PINX1: variants seen among roughly 807,000 people sequenced by gnomAD.
PINX1 encodes PIN2 (TERF1) interacting telomerase inhibitor 1, also known as PIN2/TERF1-interacting telomerase inhibitor 1.
Under a neutral mutation model 25.4 loss-of-function variants are expected in PINX1, and 34 were observed. The ratio of observed to expected loss-of-function variants is 1.34; its 90% CI spans 1.02 to 1.78. The LOEUF (loss-of-function observed/expected upper bound fraction) is 1.78, where lower values mean the gene tolerates loss of function less well. PINX1 is among the 40% of genes most tolerant of loss of function. The probability of loss-of-function intolerance (pLI) is 0.00; values close to 1 mark genes in which losing one functional copy is unlikely to be tolerated. For synonymous variants in PINX1, 197 were observed against 147.7 expected, an observed-to-expected ratio of 1.33 and a Z score of -2.42; for missense variants, 592 against 404.9, an observed-to-expected ratio of 1.46 and a Z score of -3.97.
At chr8:10,765,994 C>A in intron 6 of PINX1, 78 bp from the exon 7 acceptor site, 11 of 1,413,072 alleles carry the variant, frequency 7.8e-6, no homozygotes, top group Non-Finnish European at 1.1e-5. Context: ...GCACCCACAC[C>A]CGGCGCTCAC....
At chr8:10,799,896 C>G (rs7826458) in intron 6 of PINX1, among the ~76,000 whole-genome samples, 35,977 of 152,132 alleles carry the variant, frequency 0.24, 4,388 homozygotes, top group East Asian at 0.33. Flanking sequence ...TTCTCAACCA[C>G]GGTCTGAGTT....
chr8:10,785,083 T>C (rs905135734), intron 6 of PINX1, among the ~76,000 whole-genome samples: 6 of 152,198 alleles, frequency 3.9e-5, no homozygotes, highest in Admixed American at 6.5e-5. Flanking sequence ...AAAAAACTTC[T>C]TTTTAGAAAA....
At chr8:10,826,868 G>C (rs2129088002) in intron 4 of PINX1, among the ~76,000 whole-genome samples, 1 of 152,364 alleles carries the variant, frequency 6.6e-6, no homozygotes, top group East Asian at 1.9e-4. Flanking sequence ...CAAATACAAA[G>C]ATGAGGCATG....
At chr8:10,839,119 G>A (rs371543939) in intron 1 of PINX1, among the ~76,000 whole-genome samples, 21 of 151,846 alleles carry the variant, frequency 1.4e-4, no homozygotes, top group African/African-American at 3.9e-4. Flanking sequence ...TACAGAGACA[G>A]GGGTTTCACC....
At chr8:10,781,031 G>A (rs966194804) in intron 6 of PINX1, among the ~76,000 whole-genome samples, 1 of 152,126 alleles carries the variant, frequency 6.6e-6, no homozygotes, top group African/African-American at 2.4e-5. Flanking sequence ...ACAGGTTAGA[G>A]AACTGAAATA....
chr8:10,808,027 G>T (rs753806786), intron 6 of PINX1, among the ~76,000 whole-genome samples: 1 of 152,126 alleles, frequency 6.6e-6, no homozygotes, highest in Non-Finnish European at 1.5e-5. Context: ...AAATCACACA[G>T]ATATACAGAA....
Position 10,839,784 on chromosome 8 carries a change from C to T in PINX1, c.-28G>A, listed in dbSNP as rs1343519766. On this transcript the variant is annotated 5_prime_UTR_variant, in exon 1 of 7. Coordinates refer to ENST00000314787, the MANE Select transcript of PINX1 (RefSeq NM_017884.6). ...CGGAGAGCCTGTGATACCGCCGCCTCTGGACCTGGGTGACTGCGGCCACTG... is the reference window on the plus strand; with the variant it reads ...CGGAGAGCCTGTGATACCGCCGCCTTTGGACCTGGGTGACTGCGGCCACTG... 1 of 1,598,308 alleles carries T rather than the reference C, an allele frequency of 6.3e-7. No individual in the cohort carries two copies. The highest frequency in any genetic ancestry group is 8.5e-7 in the Non-Finnish European group (1 of 1,171,946).
chr8:10,785,263 G>A (rs1801711737), intron 6 of PINX1, among the ~76,000 whole-genome samples: 1 of 152,178 alleles, frequency 6.6e-6, no homozygotes, highest in East Asian at 1.9e-4. Flanking sequence ...CTAACTTCAA[G>A]CTAAGTTTAA....
intron 6 of PINX1, among the ~76,000 whole-genome samples, chr8:10,793,443 T>C (rs1801986544): frequency 6.6e-6 from 1 of 152,158 alleles, no homozygotes; most frequent in African/African-American, 2.4e-5. Context: ...TAATGACAGC[T>C]GATGTGCTAT....
chr8:10,786,844 C>T (rs1420787290), intron 6 of PINX1, among the ~76,000 whole-genome samples: 1 of 152,216 alleles, frequency 6.6e-6, no homozygotes, highest in African/African-American at 2.4e-5. Flanking sequence ...CACCCAGCGC[C>T]TCTCCCCAGA....
intron 4 of PINX1, among the ~76,000 whole-genome samples, 169 bp downstream of exon 4, chr8:10,831,496 T>C (rs1798225149): frequency 6.6e-6 from 1 of 152,234 alleles, no homozygotes; most frequent in East Asian, 1.9e-4. Flanking sequence ...CTAATTACGT[T>C]GATGAACATA....
intron 6 of PINX1, among the ~76,000 whole-genome samples, chr8:10,798,337 C>T (rs1802156149): frequency 6.6e-6 from 1 of 152,196 alleles, no homozygotes. Flanking sequence ...AGTTGACTTC[C>T]AGGCCCTCCC....
intron 6 of PINX1, among the ~76,000 whole-genome samples, chr8:10,808,656 T>C (rs1417726080): frequency 6.6e-6 from 1 of 152,198 alleles, no homozygotes; most frequent in Non-Finnish European, 1.5e-5. Flanking sequence ...GCCAAGATTT[T>C]AACTCACGCA....
intron 6 of PINX1, among the ~76,000 whole-genome samples, chr8:10,769,810 G>A (rs937745475): frequency 1.3e-5 from 2 of 152,166 alleles, no homozygotes; most frequent in African/African-American, 4.8e-5. Flanking sequence ...ACAGGACCCC[G>A]ACTCCTAGCT....
intron 4 of PINX1, among the ~76,000 whole-genome samples, chr8:10,827,083 C>T (rs540355642): frequency 6.6e-6 from 1 of 152,316 alleles, no homozygotes; most frequent in African/African-American, 2.4e-5. Context: ...AAAGCCACAG[C>T]AATGTAATGT....
intron 5 of PINX1, chr8:10,825,511 A>ACCTAGTGG (rs1385200663): frequency 1.9e-6 from 1 of 529,768 alleles, no homozygotes; most frequent in Non-Finnish European, 3.9e-6. Flanking sequence ...CAAGATCGCC[A>ACCTAGTGG]CCTAGTGGCT....
At chr8:10,783,081 G>C (rs932352288) in intron 6 of PINX1, among the ~76,000 whole-genome samples, 6 of 152,092 alleles carry the variant, frequency 3.9e-5, no homozygotes, top group African/African-American at 1.4e-4. Flanking sequence ...AAATTTAAAA[G>C]ATATATCAAC....
intron 5 of PINX1, among the ~76,000 whole-genome samples, chr8:10,823,813 G>A (rs562627207): frequency 6.6e-6 from 1 of 152,272 alleles, no homozygotes; most frequent in Admixed American, 6.5e-5. Flanking sequence ...GGGCAACAGA[G>A]TGAGATCCTG....
At chr8:10,819,467 C>G (rs367626979) in intron 6 of PINX1, among the ~76,000 whole-genome samples, 1 of 152,132 alleles carries the variant, frequency 6.6e-6, no homozygotes, top group East Asian at 1.9e-4. Context: ...CAGACAATGC[C>G]AGTTCTAAAT....
Sources: gnomAD v4.1 joint callset for allele counts (sites outside exome capture counted in the v4.1 genomes callset) on GRCh38, gnomAD v4.1.1 for gene constraint, MANE v1.5 for transcripts, NCBI Gene and HGNC (gene_info 2026-07-23, HGNC 2026-07-21) for gene names.